PPP1R11: variants seen among roughly 807,000 people sequenced by gnomAD.
PPP1R11 encodes the protein E3 ubiquitin-protein ligase PPP1R11.
A neutral mutation model predicts 11.3 loss-of-function variants in PPP1R11; 10 were observed. The ratio of observed to expected loss-of-function variants is 0.88; its 90% CI spans 0.55 to 1.50. The LOEUF (loss-of-function observed/expected upper bound fraction) is 1.50, where lower values mean the gene tolerates loss of function less well. Among genes scored for constraint, PPP1R11 ranks in the 40% most tolerant of loss-of-function variants. PPP1R11 has a pLI of 0.00. For synonymous variants in PPP1R11, 56 were observed against 62.3 expected, an observed-to-expected ratio of 0.90 and a Z score of 0.48; for missense variants, 114 against 179.1, an observed-to-expected ratio of 0.64 and a Z score of 2.07.
upstream of PPP1R11, chr6:30,061,864 G>C (rs17187665): frequency 6.3e-7 from 1 of 1,591,216 alleles, no homozygotes; most frequent in Non-Finnish European, 8.6e-7. This position sits in a 1 kb window ranked among gnomAD's most constrained non-coding sequence, Gnocchi z 5.0. Flanking sequence ...GGAGGTTTCC[G>C]GTGTCAGCTC....
upstream of PPP1R11, chr6:30,064,710 G>C: frequency 6.2e-7 from 1 of 1,608,598 alleles, no homozygotes; most frequent in Non-Finnish European, 8.5e-7. Context: ...TTTTTCCTGG[G>C]CAACTCTACA....
Position 30,068,627 on chromosome 6 carries a change from A to T in PPP1R11, c.107A>T (p.Lys36Met). ...RSLTIKLRKR[K>M]PEKKVEWTSD... ...CTTACCATCAAACTTCGGAAACGGAAGCCAGAGAAAAAGGTAGAATGGACA... is the reference window on the plus strand; with the variant it reads ...CTTACCATCAAACTTCGGAAACGGATGCCAGAGAAAAAGGTAGAATGGACA... The change falls in exon 2 of 3, where the codon AAG (lysine) becomes ATG (methionine). Residue 36 changes from lysine (K) to methionine (M), a missense_variant. Physicochemically the swap from Lys to Met is moderately conservative, Grantham distance 95. Transcript: ENST00000376772. 1.2e-6 allele frequency: 2 copies of T among 1,612,998 alleles called. No individual in the cohort carries two copies. Among genetic ancestry groups the T allele is most frequent in the Non-Finnish European group, 1.7e-6 (2 of 1,179,998 alleles).
chr6:30,065,579 TAA>T (rs1765451801), upstream of PPP1R11, among the ~76,000 whole-genome samples: 1 of 145,836 alleles, frequency 6.9e-6, no homozygotes, highest in Non-Finnish European at 1.5e-5. This position sits in a 1 kb window ranked among gnomAD's most constrained non-coding sequence, Gnocchi z 5.3. Flanking sequence ...TGGTCAACAG[TAA>T]AGTTTTGGGG....
chr6:30,064,613 T>G, upstream of PPP1R11: 1 of 1,510,420 alleles, frequency 6.6e-7, no homozygotes. Flanking sequence ...GCATATCTTA[T>G]CTTATACTAC....
chr6:30,069,125 C>T lies in PPP1R11; in HGVS notation c.200C>T (p.Pro67Leu). 6.2e-7 allele frequency: 1 copy of T among 1,611,048 alleles called. No individual in the cohort carries two copies. The highest frequency in any genetic ancestry group is 8.5e-7 in the Non-Finnish European group (1 of 1,178,450). ...SSKCCCIYEKPRAFGESSTES... is the reference protein window; with the variant it reads ...SSKCCCIYEKLRAFGESSTES... ...CTAGGCTGCTGTATTTATGAGAAAC[C>T]TCGGGCCTTTGGCGAGAGCTCCACG... The change falls in exon 3 of 3, where the codon CCT becomes CTT. Residue 67 changes from proline (P) to leucine (L), a missense_variant. Coordinates refer to ENST00000376772, the MANE Select transcript of PPP1R11 (RefSeq NM_021959.3). This position sits in a 1 kb window ranked among gnomAD's most constrained non-coding sequence, Gnocchi z 6.6.
At chr6:30,068,829 G>A in intron 2 of PPP1R11, 131 bp downstream of exon 2, 1 of 855,134 alleles carries the variant, frequency 1.2e-6, no homozygotes, top group Non-Finnish European at 1.8e-6. Context: ...TGGTGGTGCT[G>A]TGGTATCAGG....
chr6:30,064,736 C>T (rs745925270), upstream of PPP1R11: 5 of 1,596,696 alleles, frequency 3.1e-6, no homozygotes, highest in South Asian at 1.1e-5. Flanking sequence ...TCCCTCCTTT[C>T]GGAAGGTGAA....
chr6:30,061,987 G>A, upstream of PPP1R11: 1 of 1,613,114 alleles, frequency 6.2e-7, no homozygotes, highest in Non-Finnish European at 8.5e-7. This position sits in a 1 kb window ranked among gnomAD's most constrained non-coding sequence, Gnocchi z 5.0. Context: ...CTATGTCGGT[G>A]GAGGAAGGGC....
upstream of PPP1R11, among the ~76,000 whole-genome samples, chr6:30,065,597 A>G (rs1434482248): frequency 2.6e-5 from 4 of 152,098 alleles, no homozygotes; most frequent in African/African-American, 9.7e-5. The surrounding 1 kb of genome is among the most constrained non-coding windows in gnomAD (Gnocchi z 5.3). Context: ...TGGGGGAGTC[A>G]AAAGTTATAT....
upstream of PPP1R11, chr6:30,064,710 G>A (rs778222766): frequency 8.3e-5 from 133 of 1,608,476 alleles, no homozygotes; most frequent in Non-Finnish European, 9.4e-5. Flanking sequence ...TTTTTCCTGG[G>A]CAACTCTACA....
upstream of PPP1R11, among the ~76,000 whole-genome samples, chr6:30,065,185 AAAAT>A (rs1253856794): frequency 1.3e-5 from 2 of 152,250 alleles, no homozygotes; most frequent in Non-Finnish European, 2.9e-5. This position sits in a 1 kb window ranked among gnomAD's most constrained non-coding sequence, Gnocchi z 5.3. Flanking sequence ...TGGACAACAA[AAAAT>A]CTGATACTAA....
At chr6:30,061,595 G>A in the PPP1R11 span, 1 of 1,613,052 alleles carries the variant, frequency 6.2e-7, no homozygotes, top group Admixed American at 1.7e-5. This position sits in a 1 kb window ranked among gnomAD's most constrained non-coding sequence, Gnocchi z 5.0. Flanking sequence ...TCAGATTGCG[G>A]CTCGGTCCTG....
upstream of PPP1R11, chr6:30,067,147 G>A: frequency 2.2e-6 from 1 of 445,114 alleles, no homozygotes; most frequent in Non-Finnish European, 4.0e-6. Context: ...CGACGCCTGC[G>A]CTTTGACGCA....
chr6:30,067,242 A>G lies in PPP1R11; in HGVS notation c.-169A>G. The G allele has an allele frequency of 1.5e-6, 1 of 651,666 alleles. No individual in the cohort carries two copies. The allele number at this position is 651,666 out of a possible 1,614,324, so 40.4% of individuals were successfully genotyped here. A position where few individuals can be genotyped will look rare whatever the true frequency, so the allele number is the denominator to read the frequency against. On this transcript the variant is annotated 5_prime_UTR_variant, in exon 1 of 3. Coordinates refer to ENST00000376772, the MANE Select transcript of PPP1R11 (RefSeq NM_021959.3). ...AGCCGGAAGTGGGGTTAGCCAGGTT[A>G]TCCCCAGGGGTGGAGAAGCGGAGGC...
intron 2 of PPP1R11, among the ~76,000 whole-genome samples, 153 bp downstream of exon 2, chr6:30,068,851 G>A (rs1022691882): frequency 3.3e-5 from 5 of 152,140 alleles, no homozygotes; most frequent in Non-Finnish European, 5.9e-5. Flanking sequence ...AAAGAGGTAG[G>A]GAAGGGCTAG....
chr6:30,065,921 T>C (rs940039531), upstream of PPP1R11, among the ~76,000 whole-genome samples: 1 of 152,180 alleles, frequency 6.6e-6, no homozygotes, highest in African/African-American at 2.4e-5. This position sits in a 1 kb window ranked among gnomAD's most constrained non-coding sequence, Gnocchi z 5.3. Flanking sequence ...AGGTCCCGCA[T>C]TCCTTGGCTC....
chr6:30,064,020 G>A (rs979156632), upstream of PPP1R11, among the ~76,000 whole-genome samples: 2 of 151,944 alleles, frequency 1.3e-5, no homozygotes, highest in African/African-American at 4.8e-5. Flanking sequence ...ATTTATGCAC[G>A]GGATCTCCTA....
chr6:30,062,772 A>C (rs1159602222), upstream of PPP1R11, among the ~76,000 whole-genome samples: 1 of 91,880 alleles, frequency 1.1e-5, no homozygotes, highest in Admixed American at 1.6e-4. Flanking sequence ...GGGTTTCTCT[A>C]TGTTTCCCAG....
At chr6:30,068,796 T>G (rs1419923161) in intron 2 of PPP1R11, 98 bp downstream of exon 2, 10 of 1,092,814 alleles carry the variant, frequency 9.2e-6, no homozygotes, top group Admixed American at 2.3e-5. Flanking sequence ...AGCCCCCAGA[T>G]GTTCATAGTT....
Sources: allele counts gnomAD v4.1 joint callset (sites outside exome capture counted in the v4.1 genomes callset), GRCh38; gene constraint gnomAD v4.1.1; non-coding constraint Gnocchi (gnomAD v3.1); transcripts MANE v1.5; gene names NCBI Gene and HGNC (gene_info 2026-07-23, HGNC 2026-07-21).